ZNF713: variants seen among roughly 807,000 people sequenced by gnomAD.
ZNF713 encodes the protein zinc finger protein 713.
A neutral mutation model predicts 28.7 loss-of-function variants in ZNF713; 21 were observed. The ratio of observed to expected loss-of-function variants is 0.73; its 90% CI spans 0.52 to 1.05. The LOEUF (loss-of-function observed/expected upper bound fraction) is 1.05. ZNF713 is among the 50% of genes least tolerant of loss of function. ZNF713 has a pLI of 0.00. For missense variants in ZNF713, 458 were observed against 532.4 expected (o/e 0.86, Z 1.37); for synonymous variants, 167 against 178.0 (o/e 0.94, Z 0.49).
At chr7:55,928,539 C>T (rs970534626) in intron 6 of ZNF713, among the ~76,000 whole-genome samples, 2 of 152,022 alleles carry the variant, frequency 1.3e-5, no homozygotes, top group African/African-American at 2.4e-5. Flanking sequence ...GATTTCTTAA[C>T]GTGGAGCAGG....
chr7:55,913,425 T>G (rs941140015), intron 4 of ZNF713, among the ~76,000 whole-genome samples: 1 of 151,858 alleles, frequency 6.6e-6, no homozygotes, highest in Non-Finnish European at 1.5e-5. Context: ...ATGGTCTCGA[T>G]CTTCTGTCCT....
intron 1 of ZNF713, among the ~76,000 whole-genome samples, chr7:55,900,049 T>A (rs1428765728): frequency 6.6e-6 from 1 of 152,078 alleles, no homozygotes; most frequent in Non-Finnish European, 1.5e-5. Flanking sequence ...AGGACCTGAG[T>A]ATATATTCAA....
rs71015119 is a variant in ZNF713, at chr7:55,906,101, CAA to C, written c.-582-136_-582-135del. ...CAGGCGACAGTGCGAGACTCTGACT[CAA>C]AAAAAAAAAAAAAAATCCACTTATA... On this transcript the variant is annotated intron_variant, in intron 1 of 6. Transcript: ENST00000429591. 145 of 115,018 alleles carry C rather than the reference CAA, an allele frequency of 1.3e-3. 2 individuals carry two copies. In the East Asian group the frequency reaches 0.014, roughly 11 times the overall value. 7.1% of individuals were successfully genotyped at this position (115,018 alleles called of 1,614,324 possible). A position where few individuals can be genotyped will look rare whatever the true frequency, so the allele number is the denominator to read the frequency against.
chr7:55,904,585 A>G (rs1785643100), intron 1 of ZNF713, among the ~76,000 whole-genome samples: 1 of 151,982 alleles, frequency 6.6e-6, no homozygotes, highest in African/African-American at 2.4e-5. Flanking sequence ...CAAAAGCCAG[A>G]CTATAGAGAA....
At chr7:55,936,076 C>CCAACATGGTGAAACCCCGTCT (rs1336439522) in intron 6 of ZNF713, among the ~76,000 whole-genome samples, 27 of 151,764 alleles carry the variant, frequency 1.8e-4, no homozygotes, top group Non-Finnish European at 5.9e-5. Flanking sequence ...ACCAACTTGG[C>CCAACATGGTGAAACCCCGTCT]CAACATGGTG....
At chr7:55,905,205 G>T (rs534375627) in intron 1 of ZNF713, among the ~76,000 whole-genome samples, 31 of 152,308 alleles carry the variant, frequency 2.0e-4, no homozygotes, top group African/African-American at 6.5e-4. Flanking sequence ...GAAATGAAAG[G>T]TTCCAGTAGT....
rs1372078317 is a variant in ZNF713, at chr7:55,941,541, T to A, written c.*1535T>A. ...ACTTGAAATAAACATAAAAGAGGAA[T>A]ATTTCACGAACGTCAGTTATTTGTA... On this transcript the variant is annotated 3_prime_UTR_variant, in exon 7 of 7. Coordinates refer to ENST00000429591, the MANE Select transcript of ZNF713 (RefSeq NM_182633.3). The A allele has an allele frequency of 6.6e-6, 1 of 151,680 alleles. No homozygotes were observed. Among genetic ancestry groups the A allele is most frequent in the African/African-American group, 2.4e-5 (1 of 41,290 alleles). 9.4% of individuals were successfully genotyped at this position (151,680 alleles called of 1,614,324 possible).
At chr7:55,893,455 C>T (rs1785423712) in intron 1 of ZNF713, among the ~76,000 whole-genome samples, 1 of 152,044 alleles carries the variant, frequency 6.6e-6, no homozygotes, top group Non-Finnish European at 1.5e-5. Context: ...TTATGACCTA[C>T]AATGAAACAA....
At chr7:55,933,239 AAAT>A (rs775883665) in intron 6 of ZNF713, among the ~76,000 whole-genome samples, 8 of 152,056 alleles carry the variant, frequency 5.3e-5, no homozygotes, top group East Asian at 3.9e-4. Context: ...CCTGCCTCAA[AAAT>A]AATAATAATA....
At chr7:55,890,995 CAAAAA>C (rs200945331) in intron 1 of ZNF713, among the ~76,000 whole-genome samples, 3 of 102,672 alleles carry the variant, frequency 2.9e-5, no homozygotes, top group Non-Finnish European at 4.2e-5. Context: ...GACTCTGTCT[CAAAAA>C]AAAAAAAAAG....
chr7:55,912,640 C>G lies in ZNF713; in HGVS notation c.4C>G (p.Pro2Ala), dbSNP rs192654523. Residue 2 changes from proline to alanine, a missense_variant, in exon 4 of 7, where the codon CCT becomes GCT. By Grantham distance (27) the Pro-to-Ala change is conservative. Transcript: ENST00000429591. M[P>A]SQNAVFSQEG... ...GATGCTTCTCTTTTTCCTAGTTATG[C>G]CTTCTCAGAATGCTGTTTTTTCTCA... is the stretch of plus-strand genomic sequence containing the variant. 1.9e-6 allele frequency: 3 copies of G among 1,609,234 alleles called. No homozygotes were observed. Among genetic ancestry groups the G allele is most frequent in the Admixed American group, 3.4e-5 (2 of 59,618 alleles).
At chr7:55,909,937 G>A (rs1785752998) in intron 2 of ZNF713, among the ~76,000 whole-genome samples, 1 of 151,588 alleles carries the variant, frequency 6.6e-6, no homozygotes, top group African/African-American at 2.4e-5. Flanking sequence ...ATATATGTAT[G>A]TGTGTATATA....
chr7:55,898,230 G>A (rs1785509135), intron 1 of ZNF713, among the ~76,000 whole-genome samples: 1 of 152,160 alleles, frequency 6.6e-6, no homozygotes, highest in Non-Finnish European at 1.5e-5. Flanking sequence ...AACAAATAGG[G>A]TTGCGTCAAT....
intron 1 of ZNF713, among the ~76,000 whole-genome samples, chr7:55,894,467 C>T (rs117314601): frequency 1.2e-4 from 18 of 152,326 alleles, no homozygotes; most frequent in Non-Finnish European, 2.2e-4. Flanking sequence ...ATAAATACTT[C>T]TGTCCCATAT....
At chr7:55,925,345 GGGCACAGT>G (rs1254367568) in intron 6 of ZNF713, among the ~76,000 whole-genome samples, 4 of 151,912 alleles carry the variant, frequency 2.6e-5, no homozygotes, top group Non-Finnish European at 5.9e-5. Flanking sequence ...GTTCCTGGCC[GGGCACAGT>G]GGCTTACGCC....
intron 2 of ZNF713, among the ~76,000 whole-genome samples, chr7:55,910,871 A>G (rs1420406901): frequency 6.6e-6 from 1 of 152,110 alleles, no homozygotes; most frequent in Non-Finnish European, 1.5e-5. Flanking sequence ...CCCTCCAGCC[A>G]CGGTCATTCT....
chr7:55,915,399 T>G (rs1785863475), intron 4 of ZNF713, among the ~76,000 whole-genome samples: 1 of 152,204 alleles, frequency 6.6e-6, no homozygotes, highest in African/African-American at 2.4e-5. Flanking sequence ...ATTATGCTTT[T>G]TATCAGCTAG....
At chr7:55,887,896 CGGCGGCGGGAGGCGGCA>C (rs1785305689) in intron 1 of ZNF713, among the ~76,000 whole-genome samples, 1 of 82,250 alleles carries the variant, frequency 1.2e-5, no homozygotes, top group Non-Finnish European at 2.3e-5. Context: ...CGGGCGGCGG[CGGCGGCGGGAGGCGGCA>C]GGTGGCGGGA....
At chr7:55,928,074 A>G (rs528008200) in intron 6 of ZNF713, among the ~76,000 whole-genome samples, 24 of 152,018 alleles carry the variant, frequency 1.6e-4, no homozygotes, top group South Asian at 6.2e-4. Flanking sequence ...TTAGGAAGCA[A>G]TTTCCTTTGT....
Sources: allele counts gnomAD v4.1 joint callset (sites outside exome capture counted in the v4.1 genomes callset), GRCh38; gene constraint gnomAD v4.1.1; transcripts MANE v1.5; gene names NCBI Gene and HGNC (gene_info 2026-07-23, HGNC 2026-07-21).